LDHC: variants seen among roughly 807,000 people sequenced by gnomAD.
LDHC encodes lactate dehydrogenase C.
A neutral mutation model predicts 30.2 loss-of-function variants in LDHC; 20 were observed. That is an observed-to-expected ratio of 0.66 (90% confidence interval 0.47 to 0.96). The LOEUF is 0.96. LDHC is among the 40% of genes least tolerant of loss of function. The pLI is 0.00. For synonymous variants in LDHC, 139 were observed against 132.7 expected (o/e 1.05, Z -0.32); for missense variants, 362 against 394.9 (o/e 0.92, Z 0.71).
At chr11:18,419,727 G>GA (rs1314001195) in intron 3 of LDHC, among the ~76,000 whole-genome samples, 8 of 151,988 alleles carry the variant, frequency 5.3e-5, no homozygotes, top group African/African-American at 1.9e-4. Context: ...GAACAGACTT[G>GA]AAAATATCAG....
chr11:18,438,920 AC>A (rs1448257260), intron 6 of LDHC, among the ~76,000 whole-genome samples: 1 of 152,176 alleles, frequency 6.6e-6, no homozygotes, highest in African/African-American at 2.4e-5. Flanking sequence ...CAGGTTTGAA[AC>A]CTGCTTCATC....
intron 3 of LDHC, among the ~76,000 whole-genome samples, chr11:18,420,974 A>G (rs1848036712): frequency 1.3e-5 from 2 of 152,196 alleles, no homozygotes. Context: ...TCATTAGGGA[A>G]GCAGGAAGTG....
chr11:18,446,223 A>C lies in LDHC; in HGVS notation c.724A>C (p.Ile242Leu). The C allele has an allele frequency of 6.2e-7, 1 of 1,602,154 alleles. No individual in the cohort carries two copies. Among genetic ancestry groups the C allele is most frequent in the South Asian group, 1.1e-5 (1 of 90,782 alleles). The change falls in exon 7 of 8, where the codon ATC (isoleucine) becomes CTC (leucine). Residue 242 changes from isoleucine to leucine, a missense_variant. Physicochemically the swap from Ile to Leu is conservative, Grantham distance 5. Coordinates refer to ENST00000541669, the MANE Select transcript of LDHC (RefSeq NM_017448.5). ...CTACAACTGTAGTGCCTATGAAATT[A>C]TCAAGCTGAAGGGGTATACCTCTTG... The part of the protein sequence containing the change: ...KQVIQSAYEI[I>L]KLKGYTSWAI...
intron 6 of LDHC, among the ~76,000 whole-genome samples, chr11:18,445,898 C>T (rs1031798582): frequency 7.9e-5 from 12 of 152,020 alleles, no homozygotes; most frequent in Non-Finnish European, 1.8e-4. Flanking sequence ...TCGCATAAGC[C>T]CAGGAGGTGG....
chr11:18,435,029 T>C, intron 5 of LDHC, 116 bp downstream of exon 5: 1 of 621,422 alleles, frequency 1.6e-6, no homozygotes, highest in African/African-American at 1.9e-5. Flanking sequence ...ATTTTTTTGG[T>C]ATTTCCCTGG....
intron 3 of LDHC, among the ~76,000 whole-genome samples, chr11:18,425,378 TA>T (rs1848144250): frequency 1.3e-5 from 2 of 152,008 alleles, no homozygotes; most frequent in South Asian, 4.1e-4. Context: ...TTTTTTTCAT[TA>T]AAAAATTATT....
At chr11:18,427,653 C>G (rs1848184707) in intron 3 of LDHC, among the ~76,000 whole-genome samples, 1 of 148,764 alleles carries the variant, frequency 6.7e-6, no homozygotes, top group Admixed American at 6.8e-5. Context: ...AGACATAAAG[C>G]TAGTAAAGAT....
rs1384272732 is a variant in LDHC, at chr11:18,451,275, G to A, written c.*148G>A. 6 of 513,230 alleles carry A rather than the reference G, an allele frequency of 1.2e-5. No individual in the cohort carries two copies. The highest frequency in any genetic ancestry group is 9.7e-5 in the South Asian group (3 of 30,770). The allele number at this position is 513,230 out of a possible 1,614,324, so 31.8% of individuals were successfully genotyped here. ...AACTCTAGTCTCTCAAGATTAGAAC[G>A]AGCAAATGGTAAAGAGATTTTCCTC... is the stretch of plus-strand genomic sequence containing the variant. On this transcript the variant is annotated 3_prime_UTR_variant, in exon 8 of 8. Coordinates refer to ENST00000541669, the MANE Select transcript of LDHC (RefSeq NM_017448.5).
At chr11:18,450,851 C>A in intron 7 of LDHC, 112 bp from the exon 8 acceptor site, 2 of 728,556 alleles carry the variant, frequency 2.7e-6, no homozygotes, top group Non-Finnish European at 4.4e-6. Context: ...ACCCTCTGAG[C>A]GATTCTTGTT....
At chr11:18,427,323 C>T (rs1848177646) in intron 3 of LDHC, among the ~76,000 whole-genome samples, 1 of 152,098 alleles carries the variant, frequency 6.6e-6, no homozygotes, top group South Asian at 2.1e-4. Context: ...CCACTGCACT[C>T]CAGCTTGGGC....
chr11:18,412,502 C>CGTATCATTAAAAA, intron 1 of LDHC, 94 bp downstream of exon 1: 2 of 489,158 alleles, frequency 4.1e-6, no homozygotes, highest in Non-Finnish European at 3.7e-6. Context: ...TGGCTGGGGG[C>CGTATCATTAAAAA]AGGGAGAAAT....
intron 6 of LDHC, among the ~76,000 whole-genome samples, chr11:18,443,305 C>G (rs376300218): frequency 4.1e-4 from 62 of 152,266 alleles, no homozygotes; most frequent in Middle Eastern, 3.4e-3. Flanking sequence ...CCATACCCCC[C>G]ACCCACTAAG....
At chr11:18,432,771 A>G (rs1429584840) in intron 4 of LDHC, among the ~76,000 whole-genome samples, 1 of 152,160 alleles carries the variant, frequency 6.6e-6, no homozygotes, top group African/African-American at 2.4e-5. Context: ...GTCTGATATG[A>G]GAGTATCTAC....
chr11:18,444,647 T>C (rs1029056960), intron 6 of LDHC, among the ~76,000 whole-genome samples: 1 of 131,352 alleles, frequency 7.6e-6, no homozygotes, highest in Non-Finnish European at 1.6e-5. Flanking sequence ...TATATATATA[T>C]ATGCCTTATC....
chr11:18,431,846 G>A (rs1277124580), intron 4 of LDHC, among the ~76,000 whole-genome samples: 3 of 152,088 alleles, frequency 2.0e-5, no homozygotes, highest in Admixed American at 6.5e-5. Flanking sequence ...CACTGCACCC[G>A]GCCTGCTCTC....
chr11:18,440,749 T>G (rs1848450415), intron 6 of LDHC, among the ~76,000 whole-genome samples: 1 of 151,170 alleles, frequency 6.6e-6, no homozygotes, highest in South Asian at 2.1e-4. Flanking sequence ...GGCAACAGAG[T>G]GAGATCATGT....
chr11:18,434,493 G>A (rs1317096598), intron 4 of LDHC, among the ~76,000 whole-genome samples: 2 of 151,908 alleles, frequency 1.3e-5, no homozygotes, highest in East Asian at 3.9e-4. Context: ...TGTATTTGTT[G>A]GTAGAGACAG....
chr11:18,432,796 G>A (rs1848291172), intron 4 of LDHC, among the ~76,000 whole-genome samples: 1 of 152,100 alleles, frequency 6.6e-6, no homozygotes, highest in Admixed American at 6.6e-5. Context: ...GCTCGCTTTT[G>A]GTGTCCATTT....
intron 6 of LDHC, among the ~76,000 whole-genome samples, chr11:18,443,413 C>A (rs1483269018): frequency 6.6e-6 from 1 of 151,670 alleles, no homozygotes; most frequent in Non-Finnish European, 1.5e-5. Flanking sequence ...TACCCAGTCA[C>A]TAATAATTGT....
Sources: allele counts gnomAD v4.1 joint callset (sites outside exome capture counted in the v4.1 genomes callset), GRCh38; gene constraint gnomAD v4.1.1; transcripts MANE v1.5; gene names NCBI Gene and HGNC (gene_info 2026-07-23, HGNC 2026-07-21).